The following DCAF8L2 variants were observed in gnomAD, a reference collection of about 807,000 sequenced individuals.
DCAF8L2 encodes DDB1- and CUL4-associated factor 8-like protein 2.
For synonymous variants in DCAF8L2, 200 were observed against 190.9 expected, an observed-to-expected ratio of 1.05 and a Z score of -0.39; for missense variants, 430 against 490.7, an observed-to-expected ratio of 0.88 and a Z score of 1.17.
chrX:27,516,133 A>C, the DCAF8L2 span, among the ~76,000 whole-genome samples: 12 of 111,379 alleles, frequency 1.1e-4, no homozygotes, highest in African/African-American at 6.5e-5. Context: ...CCAAATGGAA[A>C]GTAGCTGAAC....
the DCAF8L2 span, among the ~76,000 whole-genome samples, chrX:27,528,476 G>GTATATATATATATATATATATA: frequency 1.2e-5 from 1 of 83,454 alleles, no homozygotes; most frequent in African/African-American, 4.3e-5. Flanking sequence ...ATGTGTATGT[G>GTATATATATATATATATATATA]TATATATATA....
chrX:27,555,069 G>T, the DCAF8L2 span, among the ~76,000 whole-genome samples: 2 of 111,563 alleles, frequency 1.8e-5, no homozygotes, highest in Non-Finnish European at 3.8e-5. Flanking sequence ...TGTGCTACAC[G>T]CATCTTAACG....
intron 2 of DCAF8L2, among the ~76,000 whole-genome samples, chrX:27,651,160 G>A (rs1191580984): frequency 8.9e-6 from 1 of 111,780 alleles, no homozygotes; most frequent in African/African-American, 3.3e-5. Context: ...TCATCATGGT[G>A]AATTAACCTT....
At chrX:27,699,135 A>T (rs1042879706) in intron 3 of DCAF8L2, among the ~76,000 whole-genome samples, 1 of 112,030 alleles carries the variant, frequency 8.9e-6, no homozygotes, top group Admixed American at 9.5e-5. Flanking sequence ...AATGTGATTC[A>T]GTGTAAAGAT....
chrX:27,622,164 A>G (rs1927796986), intron 1 of DCAF8L2, among the ~76,000 whole-genome samples: 1 of 111,071 alleles, frequency 9.0e-6, no homozygotes, highest in African/African-American at 3.3e-5. Flanking sequence ...ACCAAGCAGT[A>G]TGTATAAGAA....
the DCAF8L2 span, chrX:27,517,983 TTATC>T: frequency 2.6e-6 from 3 of 1,166,344 alleles, no homozygotes; most frequent in Non-Finnish European, 3.5e-6. Context: ...ACAGCAAAGG[TTATC>T]CTACATGGCT....
upstream of DCAF8L2, among the ~76,000 whole-genome samples, chrX:27,589,472 T>C (rs1281040057): frequency 9.0e-6 from 1 of 111,356 alleles, no homozygotes; most frequent in African/African-American, 3.3e-5. Flanking sequence ...ATTAATTAAA[T>C]TTATTTGCTA....
intron 1 of DCAF8L2, among the ~76,000 whole-genome samples, chrX:27,622,925 G>A (rs1213023805): frequency 9.0e-6 from 1 of 111,523 alleles, no homozygotes; most frequent in Non-Finnish European, 1.9e-5. Flanking sequence ...TTTCCCCCAT[G>A]TATATTGTAG....
chrX:27,676,876 A>C (rs1025176725), intron 2 of DCAF8L2: 7 of 111,436 alleles, frequency 6.3e-5, no homozygotes, highest in Admixed American at 4.8e-4. Flanking sequence ...TCTCTTTACC[A>C]GCTCTCTCCA....
chrX:27,490,546 C>A, the DCAF8L2 span, among the ~76,000 whole-genome samples: 2 of 109,877 alleles, frequency 1.8e-5, no homozygotes, highest in African/African-American at 6.6e-5. Context: ...ACTGCAACCT[C>A]CACCTCCTGG....
At chrX:27,575,123 C>T in the DCAF8L2 span, among the ~76,000 whole-genome samples, 10 of 111,628 alleles carry the variant, frequency 9.0e-5, no homozygotes, top group African/African-American at 2.3e-4. Flanking sequence ...GGGCACTCGA[C>T]GGCCCCGGCT....
At chrX:27,512,801 A>AC in the DCAF8L2 span, among the ~76,000 whole-genome samples, 1 of 88,643 alleles carries the variant, frequency 1.1e-5, no homozygotes, top group African/African-American at 4.7e-5. Context: ...AAAAAAAAAA[A>AC]AAAAAAAAAC....
intron 4 of DCAF8L2, among the ~76,000 whole-genome samples, chrX:27,742,874 A>T (rs1369495266): frequency 9.0e-6 from 1 of 111,641 alleles, no homozygotes. Flanking sequence ...AAGTGCTCAA[A>T]CTAGTGTCTG....
chrX:27,585,212 C>G, the DCAF8L2 span, among the ~76,000 whole-genome samples: 121 of 111,043 alleles, frequency 1.1e-3, no homozygotes, highest in African/African-American at 3.7e-3. Context: ...TAATAGCCCC[C>G]CATAATCTTA....
chrX:27,522,351 A>G, the DCAF8L2 span, among the ~76,000 whole-genome samples: 22 of 111,982 alleles, frequency 2.0e-4, no homozygotes, highest in Admixed American at 1.9e-3. Context: ...TTGTATGTGT[A>G]TATGTATGTG....
the DCAF8L2 span, among the ~76,000 whole-genome samples, chrX:27,503,340 G>T: frequency 9.0e-6 from 1 of 110,865 alleles, no homozygotes; most frequent in Non-Finnish European, 1.9e-5. Context: ...TTTATTGATT[G>T]TGCTTTTGGT....
the DCAF8L2 span, among the ~76,000 whole-genome samples, chrX:27,578,357 T>C: frequency 3.6e-5 from 4 of 111,790 alleles, no homozygotes; most frequent in African/African-American, 1.3e-4. Context: ...TGGCTAGCCA[T>C]ATGCAGAAAA....
chrX:27,697,958 G>A (rs1259658865), intron 3 of DCAF8L2, among the ~76,000 whole-genome samples: 2 of 110,454 alleles, frequency 1.8e-5, no homozygotes, highest in Non-Finnish European at 3.8e-5. Flanking sequence ...AAGAACTCTT[G>A]GCATTCAGGA....
At chrX:27,678,354 G>A (rs553958406) in intron 3 of DCAF8L2, among the ~76,000 whole-genome samples, 13 of 111,663 alleles carry the variant, frequency 1.2e-4, no homozygotes, top group African/African-American at 3.9e-4. Context: ...GGAATTGAAA[G>A]CAGGGACTCA....
Sources: gnomAD v4.1 joint callset for allele counts (sites outside exome capture counted in the v4.1 genomes callset) on GRCh38, gnomAD v4.1.1 for gene constraint, MANE v1.5 for transcripts, NCBI Gene and HGNC (gene_info 2026-07-23, HGNC 2026-07-21) for gene names.